PTPRO: variants seen among roughly 807,000 people sequenced by gnomAD.
The protein encoded by PTPRO is receptor-type tyrosine-protein phosphatase O.
In PTPRO, 62 loss-of-function variants were observed where a neutral mutation model predicts 145.2. The ratio of observed to expected loss-of-function variants is 0.43; its 90% confidence interval spans 0.35 to 0.53. PTPRO has a LOEUF of 0.53. Among genes scored for constraint, PTPRO ranks in the 20% least tolerant of loss-of-function variants. PTPRO has a pLI of 0.01. For missense variants in PTPRO, 1,345 were observed against 1,482.7 expected (o/e 0.91, Z 1.53); for synonymous variants, 565 against 514.7 (o/e 1.10, Z -1.32).
At chr12:15,512,314 C>T (rs1217504627) in intron 7 of PTPRO, among the ~76,000 whole-genome samples, 4 of 151,974 alleles carry the variant, frequency 2.6e-5, no homozygotes, top group Admixed American at 6.6e-5. Flanking sequence ...GGGTTTTCAT[C>T]GTGTTGGTCA....
rs1052705027 is a variant in PTPRO at position 15,502,158 on chromosome 12, A to G, written c.1105+95A>G. 3.3e-6 allele frequency: 4 copies of G among 1,220,110 alleles called. No homozygotes were observed. The African/African-American group carries it at 6.0e-5, about 18-fold the overall frequency. 75.6% of individuals were successfully genotyped at this position (1,220,110 alleles called of 1,614,324 possible). A position where few individuals can be genotyped will look rare whatever the true frequency, so the allele number is the denominator to read the frequency against. On this transcript the variant is annotated intron_variant, in intron 5 of 26. Transcript: ENST00000281171. ...TTGAGTTTAGAAAGACTGATCATAGACAGTTATTAGTCAAAGAATAATGGT... is the reference window on the plus strand; with the variant it reads ...TTGAGTTTAGAAAGACTGATCATAGGCAGTTATTAGTCAAAGAATAATGGT...
At chr12:15,584,790 A>T (rs1399495090) in intron 23 of PTPRO, among the ~76,000 whole-genome samples, 2 of 152,198 alleles carry the variant, frequency 1.3e-5, no homozygotes, top group Non-Finnish European at 2.9e-5. Context: ...GATATGTGGA[A>T]ACTTTCCAAT....
chr12:15,383,418 G>T (rs1000494808), intron 1 of PTPRO, among the ~76,000 whole-genome samples: 1 of 152,144 alleles, frequency 6.6e-6, no homozygotes, highest in African/African-American at 2.4e-5. Flanking sequence ...GACTAATGCT[G>T]CAGGGAACAT....
chr12:15,504,779 A>T (rs1228792031), intron 6 of PTPRO, among the ~76,000 whole-genome samples: 1 of 152,218 alleles, frequency 6.6e-6, no homozygotes, highest in Non-Finnish European at 1.5e-5. Context: ...AAGAATAAAA[A>T]TTGCTTTCAG....
intron 1 of PTPRO, among the ~76,000 whole-genome samples, chr12:15,446,288 T>C (rs1306818831): frequency 6.6e-6 from 1 of 152,126 alleles, no homozygotes; most frequent in African/African-American, 2.4e-5. Context: ...AGAATCATGG[T>C]CAATGTAGAG....
In PTPRO at chr12:15,537,556, A is replaced by T. The variant is rs538109830; in HGVS notation, c.2165-9013A>T. On this transcript the variant is annotated intron_variant, in intron 12 of 26. Coordinates refer to ENST00000281171, the MANE Select transcript of PTPRO (RefSeq NM_030667.3). ...TTGACCACTGATCTTAGCAGCCCAGAAGTCACTGGTGATTTTGAGAAGAGG... is the reference window on the plus strand; with the variant it reads ...TTGACCACTGATCTTAGCAGCCCAGTAGTCACTGGTGATTTTGAGAAGAGG... 1.1e-4 allele frequency among the ~76,000 whole-genome samples: 16 copies of T among 152,308 alleles called. No homozygotes were observed. The South Asian group carries it at 2.9e-3, about 28-fold the overall frequency.
chr12:15,544,039 A>AT (rs1943228707), intron 12 of PTPRO, among the ~76,000 whole-genome samples: 1 of 152,218 alleles, frequency 6.6e-6, no homozygotes, highest in African/African-American at 2.4e-5. Flanking sequence ...GACAATGCAC[A>AT]GATAGGATTT....
chr12:15,501,209 C>A (rs965769145), intron 4 of PTPRO, among the ~76,000 whole-genome samples: 1 of 152,146 alleles, frequency 6.6e-6, no homozygotes, highest in African/African-American at 2.4e-5. Context: ...GTATTTTCAT[C>A]TTCATAGCTA....
chr12:15,546,617 C>T lies in PTPRO; in HGVS notation c.2213C>T (p.Ser738Leu). 6.2e-7 allele frequency: 1 copy of T among 1,613,480 alleles called. No homozygotes were observed. The highest frequency in any genetic ancestry group is 8.5e-7 in the Non-Finnish European group (1 of 1,179,692). The change falls in exon 13 of 27, where the codon TCA becomes TTA. Residue 738 changes from serine (S) to leucine (L), a missense_variant. Physicochemically the swap from Ser to Leu is moderately radical, Grantham distance 145. Around this residue, in one of 3 missense-constraint regions of PTPRO, gnomAD observed 1,130 missense variants for 1,214.7 expected, o/e 0.93. Transcript: ENST00000281171. ...SLFAVNKTQT[S>L]VTLLWVEEGV... ...TTCGCAGTGAACAAAACCCAGACTT[C>T]AGTGACTTTGCTGTGGGTGGAAGAG...
rs1294588483 is a variant in PTPRO at position 15,597,108 on chromosome 12, A to G, written c.*1035A>G. 1 of 152,572 alleles carries G rather than the reference A, an allele frequency of 6.6e-6. No homozygotes were observed. Among genetic ancestry groups the G allele is most frequent in the Non-Finnish European group, 1.5e-5 (1 of 68,038 alleles). The allele number at this position is 152,572 out of a possible 1,614,324, so 9.5% of individuals were successfully genotyped here. A position where few individuals can be genotyped will look rare whatever the true frequency, so the allele number is the denominator to read the frequency against. On this transcript the variant is annotated 3_prime_UTR_variant, in exon 27 of 27. Coordinates refer to ENST00000281171, the MANE Select transcript of PTPRO (RefSeq NM_030667.3). Reference sequence around the variant, plus strand: ...CTACTTTTTTTTGTAATATTGTCAAATGTCTCTATGGATTCTGACAGAGAT... The same window carrying G: ...CTACTTTTTTTTGTAATATTGTCAAGTGTCTCTATGGATTCTGACAGAGAT...
intron 10 of PTPRO, among the ~76,000 whole-genome samples, chr12:15,524,416 T>C (rs1363538923): frequency 1.3e-5 from 2 of 152,182 alleles, no homozygotes; most frequent in Admixed American, 6.5e-5. Flanking sequence ...GAGACTTAGT[T>C]TGCAGGACTC....
At chr12:15,435,681 T>C (rs1416646298) in intron 1 of PTPRO, among the ~76,000 whole-genome samples, 1 of 152,120 alleles carries the variant, frequency 6.6e-6, no homozygotes, top group Non-Finnish European at 1.5e-5. Context: ...TGATTGAGAA[T>C]TTCTGAGAAA....
intron 1 of PTPRO, among the ~76,000 whole-genome samples, chr12:15,460,361 C>A (rs971307401): frequency 2.0e-5 from 3 of 152,136 alleles, no homozygotes; most frequent in African/African-American, 2.4e-5. Flanking sequence ...TGAAAAAGCC[C>A]TACTCTAAAG....
chr12:15,569,343 T>C (rs1943982606), intron 18 of PTPRO, 74 bp from the exon 19 acceptor site: 3 of 1,246,262 alleles, frequency 2.4e-6, no homozygotes, highest in South Asian at 1.2e-5. Flanking sequence ...TTAAGAAGTA[T>C]GATATTAAAC....
Position 15,322,658 on chromosome 12 carries a change from G to C in PTPRO, c.-69G>C. 12 of 1,364,088 alleles carry C rather than the reference G, an allele frequency of 8.8e-6. No homozygotes were observed. Among genetic ancestry groups the C allele is most frequent in the Non-Finnish European group, 1.2e-5 (12 of 975,244 alleles). 84.5% of individuals were successfully genotyped at this position (1,364,088 alleles called of 1,614,324 possible). On this transcript the variant is annotated 5_prime_UTR_variant, in exon 1 of 27. Coordinates refer to ENST00000281171, the MANE Select transcript of PTPRO (RefSeq NM_030667.3). The surrounding 1 kb of genome is among the most constrained non-coding windows in gnomAD (Gnocchi z 6.3). The stretch of plus-strand genomic sequence containing the variant: ...GGGTCTGAGGCTGCAGCCCCAGTTC[G>C]CCATTGTGAGCCGCCGCCGGGGGAG...
At chr12:15,363,752 C>T (rs1427899671) in intron 1 of PTPRO, among the ~76,000 whole-genome samples, 1 of 151,922 alleles carries the variant, frequency 6.6e-6, no homozygotes, top group Non-Finnish European at 1.5e-5. Context: ...AATATGAATT[C>T]GAGGGACTTA....
chr12:15,408,553 G>A (rs1939707981), intron 1 of PTPRO, among the ~76,000 whole-genome samples: 1 of 152,020 alleles, frequency 6.6e-6, no homozygotes, highest in African/African-American at 2.4e-5. Context: ...TCAGCCTCCT[G>A]AGTAGCTGGG....
rs536549077 is a variant in PTPRO at position 15,595,002 on chromosome 12, C to T, written c.3612C>T (p.Cys1204=). 21 of 1,613,758 alleles carry T rather than the reference C, an allele frequency of 1.3e-5. No homozygotes were observed. In the South Asian group the frequency reaches 2.0e-4, roughly 15 times the overall value. Residue 1204 remains cysteine (C), a synonymous_variant, in exon 26 of 27, where the codon TGC becomes TGT. Transcript: ENST00000281171. ...GGATGAAGAAGAAGCAGCAGTTCTGCATCAGTGATGTCATATACGAGAATG... is the reference window on the plus strand; with the variant it reads ...GGATGAAGAAGAAGCAGCAGTTCTGTATCAGTGATGTCATATACGAGAATG... ...LMWMKKKQQF[C]ISDVIYENVS...
chr12:15,511,527 G>A (rs1942440358), intron 7 of PTPRO, among the ~76,000 whole-genome samples: 1 of 152,104 alleles, frequency 6.6e-6, no homozygotes, highest in Non-Finnish European at 1.5e-5. Context: ...AATATCCCTA[G>A]GATAAATTTA....
Sources: gnomAD v4.1 joint callset for allele counts (sites outside exome capture counted in the v4.1 genomes callset) on GRCh38, gnomAD v4.1.1 for gene constraint, gnomAD v4.1.1 regional missense constraint, Gnocchi (gnomAD v3.1) non-coding constraint, MANE v1.5 for transcripts, NCBI Gene and HGNC (gene_info 2026-07-23, HGNC 2026-07-21) for gene names.